Variants in RAD51B observed in about 807,000 individuals in gnomAD.
RAD51B encodes DNA repair protein RAD51 homolog 2.
A neutral mutation model predicts 42.2 loss-of-function variants in RAD51B; 38 were observed. The ratio of observed to expected loss-of-function variants is 0.90; its 90% confidence interval spans 0.70 to 1.18. RAD51B has a LOEUF of 1.18. RAD51B is among the 50% of genes most tolerant of loss of function. RAD51B has a pLI of 0.00. For missense variants in RAD51B, 373 were observed against 400.7 expected (o/e 0.93, Z 0.59); for synonymous variants, 154 against 145.2 (o/e 1.06, Z -0.43).
intron 8 of RAD51B, among the ~76,000 whole-genome samples, chr14:68,364,201 T>A (rs764564266): frequency 1.3e-5 from 2 of 152,122 alleles, no homozygotes; most frequent in African/African-American, 2.4e-5. Flanking sequence ...GATCCCTGAC[T>A]ACCCTCTTCT....
intron 7 of RAD51B, among the ~76,000 whole-genome samples, chr14:68,033,929 T>C (rs1388331763): frequency 1.3e-5 from 2 of 152,164 alleles, no homozygotes; most frequent in African/African-American, 2.4e-5. Context: ...TTGACTGAGT[T>C]TGATTGTTTC....
chr14:68,391,024 AT>A (rs1594769064), intron 8 of RAD51B, among the ~76,000 whole-genome samples: 1 of 152,232 alleles, frequency 6.6e-6, no homozygotes, highest in African/African-American at 2.4e-5. Flanking sequence ...TCTAATCAGC[AT>A]TGGAAACTTG....
intron 8 of RAD51B, among the ~76,000 whole-genome samples, chr14:68,405,805 C>T (rs964227589): frequency 1.4e-5 from 2 of 141,608 alleles, no homozygotes; most frequent in Non-Finnish European, 3.0e-5. Flanking sequence ...CCTTTAGACC[C>T]GAGAAACTCC....
chr14:67,862,585 G>C (rs145600972), intron 4 of RAD51B, among the ~76,000 whole-genome samples: 259 of 152,288 alleles, frequency 1.7e-3, no homozygotes, highest in African/African-American at 6.0e-3. Flanking sequence ...TAGTAATTTA[G>C]TTAAGTCCAA....
intron 10 of RAD51B, among the ~76,000 whole-genome samples, chr14:68,578,110 G>C (rs1255889518): frequency 6.6e-6 from 1 of 152,258 alleles, no homozygotes; most frequent in Non-Finnish European, 1.5e-5. Flanking sequence ...TAACAGAAGT[G>C]AAAGCAAAGA....
intron 8 of RAD51B, among the ~76,000 whole-genome samples, chr14:68,293,260 T>G (rs2081549536): frequency 6.6e-6 from 1 of 152,116 alleles, no homozygotes; most frequent in South Asian, 2.1e-4. Context: ...TTTGTTTTTG[T>G]TTTTGTTTTT....
chr14:68,482,176 G>GGTGTGTGTGTGTGTGTGTGTGTGTGT (rs66768673), downstream of RAD51B, among the ~76,000 whole-genome samples: 1 of 149,912 alleles, frequency 6.7e-6, no homozygotes, highest in South Asian at 2.1e-4. Flanking sequence ...ATATTTTAGG[G>GGTGTGTGTGTGTGTGTGTGTGTGTGT]GTGTGTGTGT....
chr14:68,280,427 T>A (rs890740762), intron 7 of RAD51B, among the ~76,000 whole-genome samples: 6 of 152,190 alleles, frequency 3.9e-5, no homozygotes, highest in Non-Finnish European at 8.8e-5. Context: ...CAGGTCTGCG[T>A]CTGGTGCTCC....
At chr14:68,561,889 G>A in intron 10 of RAD51B, 1 of 900,210 alleles carries the variant, frequency 1.1e-6, no homozygotes, top group Non-Finnish European at 1.3e-6. Flanking sequence ...GAGGACAACA[G>A]TCTTCCATGC....
At chr14:68,052,154 A>C (rs1844754646) in intron 7 of RAD51B, among the ~76,000 whole-genome samples, 2 of 152,166 alleles carry the variant, frequency 1.3e-5, no homozygotes, top group South Asian at 4.1e-4. Flanking sequence ...TCACATCTTG[A>C]AGTAACTTAC....
chr14:67,900,726 G>A (rs1362934890), intron 7 of RAD51B, among the ~76,000 whole-genome samples: 1 of 151,638 alleles, frequency 6.6e-6, no homozygotes, highest in African/African-American at 2.4e-5. Flanking sequence ...AAGTACTAAA[G>A]TACAGTATTT....
intron 7 of RAD51B, among the ~76,000 whole-genome samples, chr14:68,180,841 G>A (rs1169852069): frequency 1.3e-5 from 2 of 152,168 alleles, no homozygotes; most frequent in Non-Finnish European, 2.9e-5. Context: ...TTCTGGGCAG[G>A]AACAACCATA....
intron 7 of RAD51B, among the ~76,000 whole-genome samples, chr14:67,988,366 G>A (rs970465085): frequency 5.3e-5 from 8 of 152,230 alleles, no homozygotes; most frequent in Non-Finnish European, 7.4e-5. Flanking sequence ...GGCTGAGGCA[G>A]GAGAATTGCT....
At chr14:67,903,371 A>G (rs2043676165) in intron 7 of RAD51B, among the ~76,000 whole-genome samples, 1 of 152,208 alleles carries the variant, frequency 6.6e-6, no homozygotes, top group Admixed American at 6.5e-5. Flanking sequence ...TGTAACCTAA[A>G]TATTTGCCTT....
intron 7 of RAD51B, among the ~76,000 whole-genome samples, chr14:67,953,192 C>T (rs979464483): frequency 6.6e-6 from 1 of 152,060 alleles, no homozygotes; most frequent in African/African-American, 2.4e-5. Context: ...AACATAAGTG[C>T]TTCATGAAGG....
intron 8 of RAD51B, among the ~76,000 whole-genome samples, chr14:68,337,998 C>T (rs2082492595): frequency 6.6e-6 from 1 of 151,954 alleles, no homozygotes; most frequent in African/African-American, 2.4e-5. Flanking sequence ...CACTATATTG[C>T]CCAGGCTGGT....
chr14:68,029,799 G>A (rs73284237), intron 7 of RAD51B, among the ~76,000 whole-genome samples: 1,619 of 152,280 alleles, frequency 0.011, 32 homozygotes, highest in African/African-American at 0.037. Flanking sequence ...AGACGAATCC[G>A]TATCTGTGGC....
At chr14:68,309,343 T>C (rs11158729) in intron 8 of RAD51B, among the ~76,000 whole-genome samples, 75,801 of 151,996 alleles carry the variant, frequency 0.5, 21,675 homozygotes, top group South Asian at 0.65. Flanking sequence ...GCCAAGTCAA[T>C]GGCACTGGTA....
At chr14:68,089,993 A>G (rs1415104798) in intron 7 of RAD51B, among the ~76,000 whole-genome samples, 2 of 152,194 alleles carry the variant, frequency 1.3e-5, no homozygotes, top group Non-Finnish European at 2.9e-5. Context: ...GTAAGCGGAA[A>G]CTAGAAGTGC....
Sources: allele counts gnomAD v4.1 joint callset (sites outside exome capture counted in the v4.1 genomes callset), GRCh38; gene constraint gnomAD v4.1.1; transcripts MANE v1.5; gene names NCBI Gene and HGNC (gene_info 2026-07-23, HGNC 2026-07-21).